Variants in TSGA10 observed in about 807,000 individuals in gnomAD.
The protein encoded by TSGA10 is testis-specific gene 10 protein.
Under a neutral mutation model 96.6 loss-of-function variants are expected in TSGA10, and 43 were observed. That is an observed-to-expected ratio of 0.44 (90% CI 0.35 to 0.57). The LOEUF is 0.57. Among genes scored for constraint, TSGA10 ranks in the 20% least tolerant of loss-of-function variants. TSGA10 has a pLI of 0.01. For missense variants in TSGA10, 703 were observed against 834.4 expected (o/e 0.84, Z 1.94); for synonymous variants, 229 against 269.9 (o/e 0.85, Z 1.48).
intron 17 of TSGA10, among the ~76,000 whole-genome samples, chr2:99,020,937 AATAATT>A (rs1440874973): frequency 6.7e-6 from 1 of 149,162 alleles, no homozygotes; most frequent in Non-Finnish European, 1.5e-5. Context: ...TAATATAATT[AATAATT>A]ATATTTAATA....
chr2:99,148,899 C>A (rs2093659516), intron 1 of TSGA10, among the ~76,000 whole-genome samples: 1 of 151,742 alleles, frequency 6.6e-6, no homozygotes, highest in Non-Finnish European at 1.5e-5. Context: ...TAAATGTACT[C>A]AATGTCATTG....
intron 10 of TSGA10, among the ~76,000 whole-genome samples, chr2:99,084,765 T>TC (rs955568074): frequency 1.3e-5 from 2 of 151,208 alleles, no homozygotes; most frequent in Non-Finnish European, 2.9e-5. Flanking sequence ...GTCTCTCCCA[T>TC]CCCCCCATAC....
At chr2:99,063,195 A>G (rs2084891569) in intron 16 of TSGA10, among the ~76,000 whole-genome samples, 1 of 152,240 alleles carries the variant, frequency 6.6e-6, no homozygotes, top group African/African-American at 2.4e-5. Flanking sequence ...CGAACTGCAC[A>G]AAATCAATCT....
chr2:99,117,910 T>C (rs2092361418), intron 3 of TSGA10, among the ~76,000 whole-genome samples, 151 bp from the exon 4 acceptor site: 1 of 152,204 alleles, frequency 6.6e-6, no homozygotes, highest in Non-Finnish European at 1.5e-5. Flanking sequence ...TTTTGTACCA[T>C]GTGAATGTAT....
At chr2:99,109,258 T>C in intron 6 of TSGA10, 131 bp downstream of exon 6, 2 of 982,972 alleles carry the variant, frequency 2.0e-6, no homozygotes, top group Non-Finnish European at 3.1e-6. Context: ...GAGACCTCTG[T>C]CTCTCAACCC....
At chr2:99,099,539 GA>G (rs1169830831) in intron 10 of TSGA10, among the ~76,000 whole-genome samples, 1 of 152,024 alleles carries the variant, frequency 6.6e-6, no homozygotes, top group African/African-American at 2.4e-5. Flanking sequence ...GAATAAGGGA[GA>G]AAAATAATGT....
At chr2:99,090,326 A>G (rs756093197) in intron 10 of TSGA10, among the ~76,000 whole-genome samples, 3 of 152,134 alleles carry the variant, frequency 2.0e-5, no homozygotes, top group Non-Finnish European at 2.9e-5. Flanking sequence ...GGAACAAGAA[A>G]AACAATTCTG....
chr2:99,058,946 A>G (rs2084311921), intron 16 of TSGA10, among the ~76,000 whole-genome samples: 1 of 151,210 alleles, frequency 6.6e-6, no homozygotes, highest in African/African-American at 2.4e-5. Flanking sequence ...CTGAGGCAGG[A>G]GAATTGCTTG....
chr2:99,064,921 A>AT lies in TSGA10; in HGVS notation c.1404+17dup. 1 of 1,561,448 alleles carries AT rather than the reference A, an allele frequency of 6.4e-7. No homozygotes were observed. Among genetic ancestry groups the AT allele is most frequent in the Non-Finnish European group, 8.6e-7 (1 of 1,157,562 alleles). On this transcript the variant is annotated intron_variant, in intron 16 of 20. Coordinates refer to ENST00000393483, the MANE Select transcript of TSGA10 (RefSeq NM_025244.4). Reference sequence around the variant, plus strand: ...ATATGATGCAGGATGTATTATAAGCATATTTTTCCAAACTTACTTGCTCAA... The same window carrying AT: ...ATATGATGCAGGATGTATTATAAGCATTATTTTTCCAAACTTACTTGCTCAA...
At chr2:99,087,249 G>A (rs894875293) in intron 10 of TSGA10, among the ~76,000 whole-genome samples, 20 of 152,044 alleles carry the variant, frequency 1.3e-4, no homozygotes, top group African/African-American at 4.6e-4. Flanking sequence ...GCTAATGCCT[G>A]TAATCCCGTC....
At chr2:99,140,972 C>A (rs2093518154) in intron 1 of TSGA10, 2 of 806,198 alleles carry the variant, frequency 2.5e-6, no homozygotes, top group Non-Finnish European at 1.6e-6. Flanking sequence ...CCCAACTCCG[C>A]CCGCCACGGC....
chr2:99,014,088 G>A (rs573713576), intron 20 of TSGA10, among the ~76,000 whole-genome samples: 52 of 152,274 alleles, frequency 3.4e-4, no homozygotes, highest in African/African-American at 1.2e-3. Context: ...CTGGGAGATG[G>A]AGGTTGCAGT....
chr2:99,127,238 T>G, intron 1 of TSGA10, 62 bp from the exon 2 acceptor site: 1 of 1,104,808 alleles, frequency 9.1e-7, no homozygotes, highest in South Asian at 1.8e-5. Flanking sequence ...TGTGATTTCT[T>G]ACATCAATAC....
intron 1 of TSGA10, 48 bp from the exon 2 acceptor site, chr2:99,127,224 G>T: frequency 1.7e-6 from 2 of 1,158,288 alleles, no homozygotes; most frequent in Non-Finnish European, 2.2e-6. Context: ...GTTTAAAACA[G>T]CTCTGTGATT....
At chr2:99,058,852 A>G (rs1450002867) in intron 16 of TSGA10, among the ~76,000 whole-genome samples, 1 of 151,614 alleles carries the variant, frequency 6.6e-6, no homozygotes, top group Non-Finnish European at 1.5e-5. Flanking sequence ...CCTGACCAAC[A>G]TGGTGAAACC....
intron 20 of TSGA10, among the ~76,000 whole-genome samples, chr2:99,003,274 A>C (rs1018959657): frequency 3.3e-5 from 5 of 152,200 alleles, no homozygotes; most frequent in African/African-American, 1.2e-4. Context: ...CACCCAATCA[A>C]TACAGGAGCA....
chr2:99,065,244 G>A, intron 15 of TSGA10, 120 bp from the exon 16 acceptor site: 3 of 1,064,218 alleles, frequency 2.8e-6, no homozygotes, highest in Non-Finnish European at 4.0e-6. Context: ...AGAACCCTGA[G>A]GAAATATATC....
At position 99,035,374 on chromosome 2, in the gene TSGA10, C is replaced by T; in HGVS notation, c.1470G>A (p.Met490Ile). The change falls in exon 17 of 21, where the codon ATG becomes ATA. Residue 490 changes from methionine (M) to isoleucine (I), a missense_variant. Physicochemically the swap from Met to Ile is conservative, Grantham distance 10 (BLOSUM62 1). Coordinates refer to ENST00000393483, the MANE Select transcript of TSGA10 (RefSeq NM_025244.4). ...ISTLHKSVVK[M>I]EEELQKVQFE... ...ACTGAACCTTCTGAAGCTCCTCTTC[C>T]ATTTTTACAACAGATTTATGTAAGG... The T allele has an allele frequency of 3.7e-6, 6 of 1,613,056 alleles. No individual in the cohort carries two copies. Among genetic ancestry groups the T allele is most frequent in the Non-Finnish European group, 5.1e-6 (6 of 1,179,404 alleles).
chr2:99,147,919 T>TA (rs2093648707), intron 1 of TSGA10, among the ~76,000 whole-genome samples: 1 of 152,200 alleles, frequency 6.6e-6, no homozygotes, highest in African/African-American at 2.4e-5. Context: ...CACAATACAA[T>TA]TATCATATTC....
Sources: allele counts gnomAD v4.1 joint callset (sites outside exome capture counted in the v4.1 genomes callset), GRCh38; gene constraint gnomAD v4.1.1; transcripts MANE v1.5; gene names NCBI Gene and HGNC (gene_info 2026-07-23, HGNC 2026-07-21).